Variants in CPHXL2 observed in about 807,000 individuals in gnomAD.
CPHXL2 encodes the protein cytoplasmic polyadenylated homeobox-like protein 2.
At chr16:75,673,075 C>CAA in the CPHXL2 span, among the ~76,000 whole-genome samples, 360 of 73,100 alleles carry the variant, frequency 4.9e-3, 11 homozygotes, top group Admixed American at 0.026. Flanking sequence ...GACCTTGTCT[C>CAA]AAAAAAAAAA....
the CPHXL2 span, among the ~76,000 whole-genome samples, chr16:75,675,183 T>C: frequency 4.9e-5 from 7 of 142,266 alleles, no homozygotes; most frequent in Admixed American, 5.1e-4. Flanking sequence ...AGTGAGACTG[T>C]CTCAAAAGAA....
chr16:75,663,801 G>A, the CPHXL2 span, among the ~76,000 whole-genome samples: 11 of 149,208 alleles, frequency 7.4e-5, no homozygotes, highest in African/African-American at 2.5e-4. Context: ...CAGGAGAATG[G>A]CATGAACCTG....
chr16:75,673,659 C>G, the CPHXL2 span, among the ~76,000 whole-genome samples: 12 of 152,052 alleles, frequency 7.9e-5, no homozygotes, highest in East Asian at 1.7e-3. Context: ...ATGGCTGATT[C>G]TAGGTCTGGG....
chr16:75,665,160 T>G, the CPHXL2 span, among the ~76,000 whole-genome samples: 1 of 152,046 alleles, frequency 6.6e-6, no homozygotes, highest in South Asian at 2.1e-4. Context: ...TCCCAAAAAA[T>G]AATTGCCTAG....
the CPHXL2 span, among the ~76,000 whole-genome samples, chr16:75,673,075 C>CAAAAAA: frequency 8.9e-4 from 65 of 72,850 alleles, no homozygotes; most frequent in African/African-American, 1.2e-3. Context: ...GACCTTGTCT[C>CAAAAAA]AAAAAAAAAA....
chr16:75,674,372 CAAAAA>C, the CPHXL2 span, among the ~76,000 whole-genome samples: 43 of 53,394 alleles, frequency 8.1e-4, 1 homozygote, highest in South Asian at 0.018. Context: ...GACTCCGTCT[CAAAAA>C]AAAAAAAAAA....
At chr16:75,668,430 T>C in the CPHXL2 span, among the ~76,000 whole-genome samples, 1 of 152,240 alleles carries the variant, frequency 6.6e-6, no homozygotes, top group African/African-American at 2.4e-5. Context: ...GGTTTCACCA[T>C]GTTGGTCAGG....
chr16:75,669,129 A>G, the CPHXL2 span, among the ~76,000 whole-genome samples: 89 of 152,176 alleles, frequency 5.8e-4, no homozygotes, highest in Admixed American at 1.2e-3. Flanking sequence ...AGCCCGGGCA[A>G]CATGGCAAGA....
At chr16:75,670,841 A>G in the CPHXL2 span, among the ~76,000 whole-genome samples, 1 of 151,966 alleles carries the variant, frequency 6.6e-6, no homozygotes, top group Non-Finnish European at 1.5e-5. Context: ...CTCAATCTGT[A>G]CCCTTCTGTA....
At chr16:75,667,781 T>A in the CPHXL2 span, among the ~76,000 whole-genome samples, 3 of 152,370 alleles carry the variant, frequency 2.0e-5, no homozygotes, top group South Asian at 6.2e-4. Flanking sequence ...CTTGTATATT[T>A]ATCTGACATG....
chr16:75,669,661 A>G, the CPHXL2 span: 1 of 396,830 alleles, frequency 2.5e-6, no homozygotes, highest in Non-Finnish European at 4.4e-6. Context: ...CCAAGTTGAA[A>G]TCCAGGCGTG....
the CPHXL2 span, among the ~76,000 whole-genome samples, chr16:75,675,206 G>A: frequency 6.7e-6 from 1 of 148,720 alleles, no homozygotes; most frequent in South Asian, 2.2e-4. Context: ...AAAAAAAAAA[G>A]AGATGGGGTT....
the CPHXL2 span, among the ~76,000 whole-genome samples, chr16:75,674,144 G>C: frequency 4.6e-5 from 7 of 151,018 alleles, no homozygotes; most frequent in Non-Finnish European, 8.9e-5. Context: ...GAGGCCAAGG[G>C]GGGTGGATCA....
chr16:75,668,224 CATAT>C, the CPHXL2 span, among the ~76,000 whole-genome samples: 48 of 105,396 alleles, frequency 4.6e-4, no homozygotes, highest in African/African-American at 9.9e-4. Context: ...TATATATATA[CATAT>C]ATATTTTTTT....
At chr16:75,672,498 G>C in the CPHXL2 span, among the ~76,000 whole-genome samples, 3 of 151,982 alleles carry the variant, frequency 2.0e-5, no homozygotes, top group African/African-American at 4.8e-5. Flanking sequence ...TTTTTGTTTT[G>C]TTTTGTTTTT....
chr16:75,660,706 G>A, the CPHXL2 span: 1 of 398,556 alleles, frequency 2.5e-6, no homozygotes, highest in Non-Finnish European at 4.4e-6. Flanking sequence ...AAAAGGAAGG[G>A]ACTTGCATGC....
the CPHXL2 span, among the ~76,000 whole-genome samples, chr16:75,665,390 T>A: frequency 5.9e-5 from 9 of 152,172 alleles, no homozygotes; most frequent in African/African-American, 2.2e-4. Context: ...AAAGTAAGCA[T>A]CATAAATGAA....
chr16:75,668,859 C>G, the CPHXL2 span, among the ~76,000 whole-genome samples: 1 of 151,948 alleles, frequency 6.6e-6, no homozygotes, highest in African/African-American at 2.4e-5. Flanking sequence ...AAATATTTTC[C>G]ATTTGTGGTT....
chr16:75,672,210 C>T, the CPHXL2 span, among the ~76,000 whole-genome samples: 4 of 150,162 alleles, frequency 2.7e-5, no homozygotes, highest in African/African-American at 9.8e-5. Context: ...AACTGGGAGG[C>T]GGAGATTTTA....
Sources: allele counts gnomAD v4.1 joint callset (sites outside exome capture counted in the v4.1 genomes callset), GRCh38; gene constraint gnomAD v4.1.1; transcripts MANE v1.5; gene names NCBI Gene and HGNC (gene_info 2026-07-23, HGNC 2026-07-21).